Variants in RAD52 observed in about 807,000 individuals in gnomAD.
RAD52 encodes DNA repair protein RAD52 homolog.
A neutral mutation model predicts 55.5 loss-of-function variants in RAD52; 47 were observed. The ratio of observed to expected loss-of-function variants is 0.85; its 90% CI spans 0.67 to 1.08. RAD52 has a LOEUF of 1.08. RAD52 is among the 50% of genes least tolerant of loss of function. RAD52 has a pLI of 0.00. For missense variants in RAD52, 468 were observed against 522.8 expected (o/e 0.90, Z 1.02); for synonymous variants, 184 against 198.9 (o/e 0.92, Z 0.63).
intron 9 of RAD52, 49 bp from the exon 10 acceptor site, chr12:914,581 A>G (rs1956257558): frequency 1.2e-6 from 2 of 1,607,480 alleles, no homozygotes; most frequent in Admixed American, 1.7e-5. Flanking sequence ...ACATCACTGC[A>G]TGGGATTTCA....
At chr12:934,985 G>A (rs906183573) in intron 1 of RAD52, among the ~76,000 whole-genome samples, 2 of 151,872 alleles carry the variant, frequency 1.3e-5, no homozygotes, top group African/African-American at 4.8e-5. Flanking sequence ...TGTGGTGGCA[G>A]GCGCCTGTAG....
chr12:977,390 G>A (rs1330398404), intron 1 of RAD52, among the ~76,000 whole-genome samples: 1 of 152,118 alleles, frequency 6.6e-6, no homozygotes, highest in East Asian at 1.9e-4. Flanking sequence ...GTCACATATG[G>A]GTCAAACGCT....
chr12:967,588 G>A (rs1958787308), intron 1 of RAD52, among the ~76,000 whole-genome samples: 1 of 151,814 alleles, frequency 6.6e-6, no homozygotes, highest in East Asian at 1.9e-4. Context: ...CCCTGCCTAT[G>A]TCATTTAGTT....
chr12:930,923 C>T (rs759895441), intron 3 of RAD52, among the ~76,000 whole-genome samples: 1 of 151,186 alleles, frequency 6.6e-6, no homozygotes, highest in African/African-American at 2.4e-5. Context: ...GCTGAGATGA[C>T]ACCACTGGTC....
intron 1 of RAD52, among the ~76,000 whole-genome samples, chr12:986,561 C>T (rs969423530): frequency 2.6e-5 from 4 of 151,996 alleles, no homozygotes; most frequent in South Asian, 2.1e-4. Context: ...GACAGGGTCT[C>T]GCTGTGTTGT....
chr12:962,827 C>T (rs1171466332), intron 1 of RAD52, among the ~76,000 whole-genome samples: 1 of 152,214 alleles, frequency 6.6e-6, no homozygotes, highest in African/African-American at 2.4e-5. Context: ...ATCCTCCCAC[C>T]TCAGCCTCCT....
intron 7 of RAD52, among the ~76,000 whole-genome samples, chr12:924,947 A>AT (rs10708242): frequency 0.058 from 6,102 of 105,604 alleles, 385 homozygotes; most frequent in African/African-American, 0.16. Context: ...AAATGGTGTG[A>AT]TTTTTTTTTT....
rs760772735 is a variant in RAD52, at chr12:929,897, G to C, written c.281-11C>G. 6.3e-5 allele frequency: 102 copies of C among 1,611,934 alleles called. No homozygotes were observed. Among genetic ancestry groups the C allele is most frequent in the Non-Finnish European group, 8.6e-5 (101 of 1,178,110 alleles). On this transcript the variant is annotated splice_polypyrimidine_tract_variant and intron_variant, in intron 4 of 11. Coordinates refer to ENST00000358495, the MANE Select transcript of RAD52 (RefSeq NM_134424.4). Reference sequence around the variant, plus strand: ...TGAGGTCAACAAAATCTAGGAGTGGGAAAGAGAGCAAGTTGAAGAGGACAC... The same window carrying C: ...TGAGGTCAACAAAATCTAGGAGTGGCAAAGAGAGCAAGTTGAAGAGGACAC...
intron 1 of RAD52, 88 bp from the exon 2 acceptor site, chr12:933,164 A>G: frequency 1.0e-6 from 1 of 961,548 alleles, no homozygotes; most frequent in Non-Finnish European, 1.6e-6. Context: ...AATCACATAA[A>G]GAATCCTTAT....
At chr12:978,927 CAGAT>C (rs1244327021) in intron 1 of RAD52, among the ~76,000 whole-genome samples, 2 of 150,938 alleles carry the variant, frequency 1.3e-5, no homozygotes, top group South Asian at 4.3e-4. Context: ...GACAGACAGA[CAGAT>C]AGATATAGAT....
intron 6 of RAD52, chr12:926,880 A>C (rs1465057115): frequency 6.5e-7 from 1 of 1,536,600 alleles, no homozygotes; most frequent in Admixed American, 2.0e-5. Context: ...GGCCTCCGGC[A>C]CACATGACTG....
intron 7 of RAD52, among the ~76,000 whole-genome samples, chr12:919,666 GCT>G (rs1310321599): frequency 9.6e-5 from 12 of 125,110 alleles, no homozygotes; most frequent in South Asian, 3.0e-4. Context: ...CACGAGAATC[GCT>G]TGAACCCGGG....
intron 7 of RAD52, among the ~76,000 whole-genome samples, chr12:922,787 G>C (rs1241021449): frequency 6.6e-6 from 1 of 152,026 alleles, no homozygotes; most frequent in Non-Finnish European, 1.5e-5. Flanking sequence ...CTGGGCAATA[G>C]CAAAACTCCA....
intron 1 of RAD52, chr12:974,560 T>G (rs927771309): frequency 6.6e-6 from 1 of 152,230 alleles, no homozygotes; most frequent in African/African-American, 2.4e-5. Context: ...AGCAGCTGCC[T>G]ACCTCTGCAG....
intron 7 of RAD52, among the ~76,000 whole-genome samples, chr12:917,068 G>C (rs1347673871): frequency 6.6e-6 from 1 of 152,212 alleles, no homozygotes; most frequent in African/African-American, 2.4e-5. Context: ...AATCGCATTT[G>C]AATCTTTCCT....
rs746381070 is a variant in RAD52 at position 913,343 on chromosome 12, T to TC, written c.*47dup. The TC allele has an allele frequency of 2.1e-6, 3 of 1,433,584 alleles. No individual in the cohort carries two copies. The highest frequency in any genetic ancestry group is 2.9e-6 in the Non-Finnish European group (3 of 1,036,948). 88.8% of individuals were successfully genotyped at this position (1,433,584 alleles called of 1,614,324 possible). ...CAATTTCATGACCAAAAAGTAGTTTTCCAAAGTCCCTTTGTGACAGAGTCC... is the reference window on the plus strand; with the variant it reads ...CAATTTCATGACCAAAAAGTAGTTTTCCCAAAGTCCCTTTGTGACAGAGTCC... On this transcript the variant is annotated 3_prime_UTR_variant, in exon 12 of 12. Coordinates refer to ENST00000358495, the MANE Select transcript of RAD52 (RefSeq NM_134424.4).
intron 1 of RAD52, among the ~76,000 whole-genome samples, chr12:935,949 C>A (rs1288227326): frequency 4.0e-5 from 6 of 149,564 alleles, no homozygotes; most frequent in Non-Finnish European, 8.9e-5. Context: ...GAACTCCTGA[C>A]CTCAAGTGAT....
At position 913,204 on chromosome 12, in the gene RAD52, C is replaced by G; in HGVS notation, c.*187G>C. 1.6e-6 allele frequency: 1 copy of G among 609,820 alleles called. No homozygotes were observed. The highest frequency in any genetic ancestry group is 3.0e-5 in the Admixed American group (1 of 33,232). 37.8% of individuals were successfully genotyped at this position (609,820 alleles called of 1,614,324 possible). ...TCTCCCTACTAGAGTGATGGACAAG[C>G]TTTTCAAAAGTGCTCAGCTCTAACT... On this transcript the variant is annotated 3_prime_UTR_variant, in exon 12 of 12. Transcript: ENST00000358495.
intron 7 of RAD52, among the ~76,000 whole-genome samples, chr12:918,796 G>A (rs1956548075): frequency 6.6e-6 from 1 of 152,068 alleles, no homozygotes; most frequent in Non-Finnish European, 1.5e-5. Flanking sequence ...GGGCCTTCTC[G>A]GTACTGGCAG....
Sources: gnomAD v4.1 joint callset for allele counts (sites outside exome capture counted in the v4.1 genomes callset) on GRCh38, gnomAD v4.1.1 for gene constraint, MANE v1.5 for transcripts, NCBI Gene and HGNC (gene_info 2026-07-23, HGNC 2026-07-21) for gene names.